Variants in SEC24B observed in about 807,000 individuals in gnomAD.
SEC24B encodes the protein protein transport protein Sec24B.
A neutral mutation model predicts 142.8 loss-of-function variants in SEC24B; 45 were observed. That is an observed-to-expected ratio of 0.32 (90% CI 0.25 to 0.40). The LOEUF is 0.40. Ranked by LOEUF, SEC24B falls within the 10% of genes least tolerant of loss-of-function variation. The pLI is 1.00. For missense variants in SEC24B, 1,409 were observed against 1,526.8 expected, an observed-to-expected ratio of 0.92 and a Z score of 1.29; for synonymous variants, 574 against 568.2, an observed-to-expected ratio of 1.01 and a Z score of -0.15.
chr4:109,511,823 T>A (rs1737367966), intron 8 of SEC24B, 134 bp from the exon 9 acceptor site: 1 of 838,068 alleles, frequency 1.2e-6, no homozygotes, highest in Non-Finnish European at 1.8e-6. Flanking sequence ...CCCTGGATTT[T>A]ATTAATATGC....
chr4:109,482,523 TAGTG>T (rs1459161890), intron 4 of SEC24B, among the ~76,000 whole-genome samples: 14 of 152,210 alleles, frequency 9.2e-5, no homozygotes, highest in African/African-American at 3.4e-4. Flanking sequence ...TGCATATACA[TAGTG>T]AGATAGTTTG....
At chr4:109,535,900 T>C (rs1487279819) in intron 22 of SEC24B, among the ~76,000 whole-genome samples, 1 of 152,138 alleles carries the variant, frequency 6.6e-6, no homozygotes, top group East Asian at 1.9e-4. Context: ...TTCAGTAGGA[T>C]TTTATTGAAT....
In SEC24B at chr4:109,498,917, G is replaced by C. The variant is rs112880838; in HGVS notation, c.1488+4061G>C. On this transcript the variant is annotated intron_variant, in intron 6 of 23. Transcript: ENST00000265175. ...TTGTTTTTTAGGGTGGAAAAACAGG[G>C]AAAAGGCTGATGTTTAAAAACAAAA... Among the ~76,000 whole-genome samples the C allele has an allele frequency of 5.5e-3, 832 of 151,994 alleles. 6 individuals are homozygous for C. The highest frequency in any genetic ancestry group is 0.02 in the African/African-American group (810 of 41,472).
chr4:109,458,355 C>T (rs1389188025), intron 1 of SEC24B, among the ~76,000 whole-genome samples: 1 of 152,074 alleles, frequency 6.6e-6, no homozygotes, highest in Admixed American at 6.6e-5. Flanking sequence ...ACTTTGCAGT[C>T]TCTGCCAAAT....
intron 6 of SEC24B, among the ~76,000 whole-genome samples, chr4:109,499,097 A>C (rs1735836359): frequency 6.6e-6 from 1 of 152,224 alleles, no homozygotes. Context: ...TATTTCTACC[A>C]GGTTGTAAAC....
chr4:109,468,747 A>G (rs997919240), intron 2 of SEC24B, among the ~76,000 whole-genome samples: 1 of 152,232 alleles, frequency 6.6e-6, no homozygotes, highest in African/African-American at 2.4e-5. Context: ...GGATTTGTTG[A>G]TGTAGTTTAT....
At chr4:109,506,969 A>C (rs555992992) in intron 7 of SEC24B, among the ~76,000 whole-genome samples, 5 of 152,210 alleles carry the variant, frequency 3.3e-5, no homozygotes, top group Admixed American at 3.3e-4. Context: ...CTCAATATAG[A>C]GTATGAAGAC....
chr4:109,540,560 T>C lies in SEC24B; in HGVS notation c.*885T>C, dbSNP rs755147621. The C allele has an allele frequency of 6.6e-6, 1 of 152,172 alleles. No individual in the cohort carries two copies. The highest frequency in any genetic ancestry group is 1.5e-5 in the Non-Finnish European group (1 of 68,040). The allele number at this position is 152,172 out of a possible 1,614,324, so 9.4% of individuals were successfully genotyped here. A position where few individuals can be genotyped will look rare whatever the true frequency, so the allele number is the denominator to read the frequency against. ...GTATTGAATTTACTAATTGGGGAAG[T>C]GCAGTGATACTGCATTTCAGTTAGT... is the stretch of plus-strand genomic sequence containing the variant. On this transcript the variant is annotated 3_prime_UTR_variant, in exon 24 of 24. Coordinates refer to ENST00000265175, the MANE Select transcript of SEC24B (RefSeq NM_006323.5).
chr4:109,484,710 G>A (rs898705200), intron 4 of SEC24B, among the ~76,000 whole-genome samples: 1 of 152,028 alleles, frequency 6.6e-6, no homozygotes, highest in African/African-American at 2.4e-5. Flanking sequence ...AAATTAGCCA[G>A]GTGTGGTGGC....
chr4:109,524,828 A>C lies in SEC24B; in HGVS notation c.2519A>C (p.His840Pro). The C allele has an allele frequency of 6.2e-7, 1 of 1,612,164 alleles. No homozygotes were observed. The highest frequency in any genetic ancestry group is 8.5e-7 in the Non-Finnish European group (1 of 1,179,048). Reference sequence around the variant, plus strand: ...GATCTGTTGACTTAGGTGGTACAACATCTTGGCCCTGCAACTGATTTTTAT... The same window carrying C: ...GATCTGTTGACTTAGGTGGTACAACCTCTTGGCCCTGCAACTGATTTTTAT... The part of the protein sequence containing the change: ...NQRSSTKVVQ[H>P]LGPATDFYKK... Residue 840 changes from histidine to proline, a missense_variant, in exon 15 of 24, where the codon CAT (histidine) becomes CCT (proline). His to Pro is a moderately conservative substitution (Grantham distance 77, BLOSUM62 -2). This residue lies in a region of SEC24B where 700 missense variants were observed against 853.3 expected (regional missense o/e 0.82). Transcript: ENST00000265175.
At chr4:109,495,667 A>T (rs1009493864) in intron 6 of SEC24B, among the ~76,000 whole-genome samples, 1 of 152,106 alleles carries the variant, frequency 6.6e-6, no homozygotes, top group African/African-American at 2.4e-5. Context: ...CCCTACCCTA[A>T]TCTTATTATG....
chr4:109,465,518 G>T (rs1731770443), intron 2 of SEC24B, among the ~76,000 whole-genome samples: 1 of 152,174 alleles, frequency 6.6e-6, no homozygotes, highest in Non-Finnish European at 1.5e-5. Context: ...CAGAACCAGG[G>T]CTTTCTGTCC....
At chr4:109,480,774 C>T (rs192736251) in intron 3 of SEC24B, among the ~76,000 whole-genome samples, 16 of 152,282 alleles carry the variant, frequency 1.1e-4, no homozygotes, top group Admixed American at 3.9e-4. Context: ...CCACCATGCC[C>T]GGCCTTCATT....
intron 14 of SEC24B, among the ~76,000 whole-genome samples, chr4:109,522,666 A>G (rs1286640742): frequency 6.6e-6 from 1 of 152,250 alleles, no homozygotes; most frequent in Non-Finnish European, 1.5e-5. Context: ...TGGAAAGTGG[A>G]GAAAAGCATA....
At chr4:109,457,555 G>A (rs1730808905) in intron 1 of SEC24B, among the ~76,000 whole-genome samples, 1 of 152,184 alleles carries the variant, frequency 6.6e-6, no homozygotes, top group South Asian at 2.1e-4. Context: ...CTGTGATAGT[G>A]GCATTAATGC....
chr4:109,448,348 G>C (rs553429277), intron 1 of SEC24B, among the ~76,000 whole-genome samples: 1 of 152,136 alleles, frequency 6.6e-6, no homozygotes, highest in African/African-American at 2.4e-5. Context: ...GCTACGTTTG[G>C]TGTGTCATAC....
At chr4:109,506,273 G>T (rs1736676386) in intron 6 of SEC24B, 55 bp from the exon 7 acceptor site, 5 of 1,318,900 alleles carry the variant, frequency 3.8e-6, no homozygotes, top group Non-Finnish European at 4.0e-6. Flanking sequence ...GTATATATAA[G>T]AAAATTTATT....
chr4:109,462,838 T>TG, intron 1 of SEC24B, 63 bp from the exon 2 acceptor site: 1 of 1,249,678 alleles, frequency 8.0e-7, no homozygotes, highest in Middle Eastern at 2.0e-4. Context: ...AATATTTAAA[T>TG]GGGGGCTATT....
chr4:109,466,471 C>T (rs1396065623), intron 2 of SEC24B, among the ~76,000 whole-genome samples: 8 of 152,158 alleles, frequency 5.3e-5, no homozygotes, highest in African/African-American at 1.2e-4. Flanking sequence ...AGTGCAGTGG[C>T]GCCATCTCAG....
Sources: allele counts gnomAD v4.1 joint callset (sites outside exome capture counted in the v4.1 genomes callset), GRCh38; gene constraint gnomAD v4.1.1; regional missense constraint gnomAD v4.1.1; transcripts MANE v1.5; gene names NCBI Gene and HGNC (gene_info 2026-07-23, HGNC 2026-07-21).